PRDM1: variants seen among roughly 807,000 people sequenced by gnomAD.
PRDM1 encodes PR/SET domain 1.
Under a neutral mutation model 62.8 loss-of-function variants are expected in PRDM1, and 13 were observed. That is an observed-to-expected ratio of 0.21 (90% CI 0.13 to 0.33). The LOEUF (loss-of-function observed/expected upper bound fraction) is 0.33, where lower values mean the gene tolerates loss of function less well. Ranked by LOEUF, PRDM1 falls within the 10% of genes least tolerant of loss-of-function variation. The probability of loss-of-function intolerance (pLI) is 1.00; values close to 1 mark genes in which losing one functional copy is unlikely to be tolerated. For synonymous variants in PRDM1, 396 were observed against 417.6 expected, an observed-to-expected ratio of 0.95 and a Z score of 0.63; for missense variants, 895 against 1,058.8, an observed-to-expected ratio of 0.85 and a Z score of 2.15.
chr6:106,072,348 C>G (rs907086843), intron 1 of PRDM1: 1 of 152,230 alleles, frequency 6.6e-6, no homozygotes, highest in Non-Finnish European at 1.5e-5. Context: ...AATTCCAGAT[C>G]GCAAATGAGG....
chr6:106,062,530 G>A (rs900276642), intron 1 of PRDM1, among the ~76,000 whole-genome samples: 3 of 152,142 alleles, frequency 2.0e-5, no homozygotes, highest in Admixed American at 6.5e-5. Context: ...TAATTTTAGT[G>A]GGATGTATAC....
chr6:106,000,153 C>A (rs1772410811), intron 1 of PRDM1, among the ~76,000 whole-genome samples: 2 of 152,226 alleles, frequency 1.3e-5, no homozygotes, highest in Non-Finnish European at 2.9e-5. Flanking sequence ...CTGGCATTAT[C>A]TATGTATTTC....
chr6:106,050,175 C>T (rs1038094850), intron 1 of PRDM1, among the ~76,000 whole-genome samples: 1 of 152,156 alleles, frequency 6.6e-6, no homozygotes, highest in Non-Finnish European at 1.5e-5. Flanking sequence ...CAGATATGTG[C>T]CTTGGATCCA....
intron 1 of PRDM1, among the ~76,000 whole-genome samples, chr6:106,073,096 T>TC (rs1369614496): frequency 6.7e-6 from 1 of 149,260 alleles, no homozygotes. Context: ...TCTCTCAATT[T>TC]CCTCTTTTCT....
At chr6:106,019,409 C>A (rs941808334) in intron 1 of PRDM1, among the ~76,000 whole-genome samples, 1 of 150,980 alleles carries the variant, frequency 6.6e-6, no homozygotes. Flanking sequence ...ATAGATCGCT[C>A]ATACTGAGTT....
At chr6:106,033,660 T>C (rs1270615261) in intron 1 of PRDM1, among the ~76,000 whole-genome samples, 1 of 152,112 alleles carries the variant, frequency 6.6e-6, no homozygotes, top group Non-Finnish European at 1.5e-5. Context: ...AGTATATAGA[T>C]GAGGTTTTTT....
intron 1 of PRDM1, among the ~76,000 whole-genome samples, chr6:106,010,282 G>A (rs1772530849): frequency 6.6e-6 from 1 of 152,214 alleles, no homozygotes; most frequent in East Asian, 1.9e-4. Context: ...CTTTTTCAAA[G>A]AAAAGCTTAC....
At chr6:106,056,038 CA>C (rs1320624739) in intron 1 of PRDM1, among the ~76,000 whole-genome samples, 44 of 152,104 alleles carry the variant, frequency 2.9e-4, no homozygotes, top group African/African-American at 1.1e-3. Flanking sequence ...CACATTGTTT[CA>C]GATATAAAGG....
chr6:106,005,902 C>T (rs1772475795), intron 1 of PRDM1, among the ~76,000 whole-genome samples: 1 of 152,136 alleles, frequency 6.6e-6, no homozygotes, highest in African/African-American at 2.4e-5. Context: ...CCTTGTGATC[C>T]CTTTCAGTTT....
intron 1 of PRDM1, among the ~76,000 whole-genome samples, chr6:105,996,827 A>T (rs1772354253): frequency 6.6e-6 from 1 of 152,182 alleles, no homozygotes; most frequent in Non-Finnish European, 1.5e-5. Flanking sequence ...GGCTAGTAGA[A>T]TCCTATGTTT....
At chr6:106,038,560 G>A (rs2114573479) in intron 1 of PRDM1, among the ~76,000 whole-genome samples, 1 of 152,330 alleles carries the variant, frequency 6.6e-6, no homozygotes, top group East Asian at 1.9e-4. Flanking sequence ...GCTTTAGCTG[G>A]AGGAGGAGGA....
chr6:106,073,877 C>A (rs1032425513), intron 1 of PRDM1, among the ~76,000 whole-genome samples: 6 of 152,170 alleles, frequency 3.9e-5, no homozygotes, highest in African/African-American at 1.4e-4. Flanking sequence ...GAAGCATATA[C>A]CCTCAGTGAG....
At chr6:106,003,676 G>A (rs1020252108) in intron 1 of PRDM1, among the ~76,000 whole-genome samples, 13 of 152,260 alleles carry the variant, frequency 8.5e-5, no homozygotes, top group Admixed American at 8.5e-4. Flanking sequence ...GACCACTTAG[G>A]AAGAAGGCCT....
intron 1 of PRDM1, among the ~76,000 whole-genome samples, chr6:106,052,820 A>T (rs1436287397): frequency 6.6e-6 from 1 of 152,040 alleles, no homozygotes; most frequent in Non-Finnish European, 1.5e-5. Context: ...AAAATACAAA[A>T]ATTAGCCAGG....
rs1774560298 is a variant in PRDM1 at position 106,108,171 on chromosome 6, T to A, written c.*685T>A. 4.3e-6 allele frequency: 1 copy of A among 233,516 alleles called. No individual in the cohort carries two copies. The highest frequency in any genetic ancestry group is 1.8e-4 in the South Asian group (1 of 5,528). The allele number at this position is 233,516 out of a possible 1,614,324, so 14.5% of individuals were successfully genotyped here. The stretch of plus-strand genomic sequence containing the variant: ...GTATGTGTGCAGGATTACCCAAGAA[T>A]AACTTAAGTAGAAGAAACAAGAAAG... On this transcript the variant is annotated 3_prime_UTR_variant, in exon 7 of 7. Coordinates refer to ENST00000369096, the MANE Select transcript of PRDM1 (RefSeq NM_001198.4).
At chr6:105,998,933 ATTTTT>A (rs754830624) in intron 1 of PRDM1, among the ~76,000 whole-genome samples, 2 of 6,404 alleles carry the variant, frequency 3.1e-4, no homozygotes, top group East Asian at 4.1e-3. Flanking sequence ...ATATATATAT[ATTTTT>A]TTTTTTTTTT....
At position 106,079,830 on chromosome 6, in the gene PRDM1, G is replaced by A. The variant is rs73518728; in HGVS notation, c.-66-8371G>A. Among the ~76,000 whole-genome samples the A allele has an allele frequency of 4.7e-3, 709 of 152,238 alleles. 4 individuals are homozygous for A. The highest frequency in any genetic ancestry group is 0.016 in the African/African-American group (650 of 41,554). ...ACAAACAACAAAAAAAACCCAACAC[G>A]TGATTCATGATGGTTGGAATTGTTA... On this transcript the variant is annotated intron_variant, in intron 1 of 6. Transcript: ENST00000651185.
rs530009595 is a variant in PRDM1 at position 106,108,636 on chromosome 6, A to C, written c.*1150A>C. On this transcript the variant is annotated 3_prime_UTR_variant, in exon 7 of 7. Transcript: ENST00000369096. Reference sequence around the variant, plus strand: ...TTTAAAAACAAACACACAAACAACAAAAAACGGGTATTCTAGTCATCTTGG... The same window carrying C: ...TTTAAAAACAAACACACAAACAACACAAAACGGGTATTCTAGTCATCTTGG... 3 of 233,274 alleles carry C rather than the reference A, an allele frequency of 1.3e-5. No individual in the cohort carries two copies. Among genetic ancestry groups the C allele is most frequent in the Non-Finnish European group, 2.5e-5 (3 of 117,946 alleles). The allele number at this position is 233,274 out of a possible 1,614,324, so 14.5% of individuals were successfully genotyped here.
chr6:106,058,792 A>G (rs1582443552), intron 1 of PRDM1, among the ~76,000 whole-genome samples: 1 of 151,284 alleles, frequency 6.6e-6, no homozygotes, highest in Non-Finnish European at 1.5e-5. Context: ...CTGGTCTTGA[A>G]CTCCCGACCT....
Sources: gnomAD v4.1 joint callset for allele counts (sites outside exome capture counted in the v4.1 genomes callset) on GRCh38, gnomAD v4.1.1 for gene constraint, MANE v1.5 for transcripts, NCBI Gene and HGNC (gene_info 2026-07-23, HGNC 2026-07-21) for gene names.